Variants in DNAJC10 observed in about 807,000 individuals in gnomAD.
The protein encoded by DNAJC10 is DnaJ heat shock protein family (Hsp40) member C10.
DNAJC10 carries 101 observed loss-of-function variants against 115.0 expected under a neutral mutation model. That is an observed-to-expected ratio of 0.88 (90% confidence interval 0.75 to 1.04). The LOEUF is 1.04. Ranked by LOEUF, DNAJC10 falls within the 50% of genes least tolerant of loss-of-function variation. The pLI is 0.00. For synonymous variants in DNAJC10, 307 were observed against 301.5 expected (o/e 1.02, Z -0.19); for missense variants, 981 against 928.8 (o/e 1.06, Z -0.73).
Position 182,758,853 on chromosome 2 carries a change from A to T in DNAJC10, c.1960A>T (p.Asn654Tyr). Residue 654 changes from asparagine to tyrosine, a missense_variant, in exon 20 of 24, where the codon AAT becomes TAT. Transcript: ENST00000264065. ...AYHYHSYNGW[N>Y]RDAYSLRIWG... is the part of the protein sequence containing the mutation. ...TTCTCTCAGCAGTTACAATGGTTGG[A>T]ATAGGGATGCTTATTCCCTGAGAAT... 1 of 1,607,850 alleles carries T rather than the reference A, an allele frequency of 6.2e-7. No individual in the cohort carries two copies. The highest frequency in any genetic ancestry group is 1.1e-5 in the South Asian group (1 of 90,902).
chr2:182,751,901 T>G, intron 15 of DNAJC10, 116 bp downstream of exon 15: 1 of 1,333,372 alleles, frequency 7.5e-7, no homozygotes. Context: ...CATTCCATTA[T>G]GGCCACTAAT....
intron 18 of DNAJC10, 137 bp from the exon 19 acceptor site, chr2:182,757,555 A>AC (rs765163669): frequency 1.0e-5 from 6 of 575,886 alleles, no homozygotes; most frequent in Non-Finnish European, 1.6e-5. Flanking sequence ...TATATGTTAA[A>AC]CCCTTATCCA....
intron 21 of DNAJC10, among the ~76,000 whole-genome samples, chr2:182,759,769 C>T (rs953070534): frequency 4.1e-4 from 63 of 152,142 alleles, no homozygotes; most frequent in Non-Finnish European, 2.8e-4. Flanking sequence ...CCTTGATATA[C>T]TCAGGGGATT....
intron 16 of DNAJC10, among the ~76,000 whole-genome samples, chr2:182,753,583 T>TTTTTG (rs1694081182): frequency 7.3e-6 from 1 of 137,714 alleles, no homozygotes; most frequent in South Asian, 2.5e-4. Context: ...AGTTTAGTTT[T>TTTTTG]TTTTTTTTTT....
chr2:182,786,926 TATAAA>T lies in DNAJC10; in HGVS notation c.*9796_*9800del, dbSNP rs1225346876. ...ACCTCCTTTTTGAGATTGGTACACT[TATAAA>T]AGAGACCCCAGTATCTTGCTCGTCC... On this transcript the variant is annotated 3_prime_UTR_variant, in exon 24 of 24. Transcript: ENST00000264065. 5 of 152,176 alleles carry T rather than the reference TATAAA, an allele frequency of 3.3e-5. No individual in the cohort carries two copies. Among genetic ancestry groups the T allele is most frequent in the Middle Eastern group, 6.8e-3 (2 of 294 alleles). 9.4% of individuals were successfully genotyped at this position (152,176 alleles called of 1,614,324 possible).
At chr2:182,756,526 CAG>C (rs1485551882) in intron 18 of DNAJC10, 57 bp downstream of exon 18, 1 of 1,520,134 alleles carries the variant, frequency 6.6e-7, no homozygotes, top group Non-Finnish European at 9.0e-7. Context: ...GTTTATTTAA[CAG>C]AATTATTTTG....
At chr2:182,742,651 C>T (rs2105648712) in intron 13 of DNAJC10, among the ~76,000 whole-genome samples, 1 of 152,324 alleles carries the variant, frequency 6.6e-6, no homozygotes, top group East Asian at 1.9e-4. Flanking sequence ...TCTTTATAAT[C>T]TTCACAATTC....
chr2:182,740,677 A>T (rs1165018585), intron 12 of DNAJC10, among the ~76,000 whole-genome samples: 1 of 152,204 alleles, frequency 6.6e-6, no homozygotes, highest in South Asian at 2.1e-4. Context: ...GGTCTGATTC[A>T]TAACTTTTTG....
At chr2:182,742,683 T>C (rs1203864646) in intron 13 of DNAJC10, among the ~76,000 whole-genome samples, 1 of 152,220 alleles carries the variant, frequency 6.6e-6, no homozygotes. Flanking sequence ...AAGTGATATG[T>C]TAACAATATT....
chr2:182,730,622 A>G lies in DNAJC10; in HGVS notation c.728-408A>G, dbSNP rs1352701241. 12 of 436,168 alleles carry G rather than the reference A, an allele frequency of 2.8e-5. No individual in the cohort carries two copies. The Admixed American group carries it at 2.9e-4, about 11-fold the overall frequency. The allele number at this position is 436,168 out of a possible 1,614,324, so 27.0% of individuals were successfully genotyped here. A position where few individuals can be genotyped will look rare whatever the true frequency, so the allele number is the denominator to read the frequency against. On this transcript the variant is annotated intron_variant, in intron 8 of 23. Coordinates refer to ENST00000264065, the MANE Select transcript of DNAJC10 (RefSeq NM_018981.4). Reference sequence around the variant, plus strand: ...TACTTCTTGAAAGAAGTCATATCCAATCTGTCATGAAAATGAATAGGAAGC... The same window carrying G: ...TACTTCTTGAAAGAAGTCATATCCAGTCTGTCATGAAAATGAATAGGAAGC...
intron 14 of DNAJC10, among the ~76,000 whole-genome samples, chr2:182,747,514 A>G (rs2105658614): frequency 6.6e-6 from 1 of 150,920 alleles, no homozygotes; most frequent in East Asian, 1.9e-4. Context: ...GAGTTCACTC[A>G]TGATTTGGCT....
intron 3 of DNAJC10, among the ~76,000 whole-genome samples, chr2:182,718,706 CTT>C (rs1219856842): frequency 6.6e-6 from 1 of 152,174 alleles, no homozygotes; most frequent in Non-Finnish European, 1.5e-5. Context: ...CATGTTTTAA[CTT>C]TGACTGTTTT....
intron 5 of DNAJC10, 141 bp from the exon 6 acceptor site, chr2:182,728,435 A>G: frequency 1.8e-6 from 1 of 555,518 alleles, no homozygotes; most frequent in Non-Finnish European, 3.1e-6. Flanking sequence ...ATATAGAAAA[A>G]CATCACACAG....
At chr2:182,746,757 G>A (rs1452271369) in intron 14 of DNAJC10, among the ~76,000 whole-genome samples, 1 of 151,894 alleles carries the variant, frequency 6.6e-6, no homozygotes, top group African/African-American at 2.4e-5. Flanking sequence ...TGTCAATTTT[G>A]GCTTTTGTTG....
Position 182,720,006 on chromosome 2 carries a change from GAAT to G in DNAJC10, c.207_209del (p.Asn70del). ...GTATTATATCTAATATTTTTTAACA[GAAT>G]AACCCAAATGCACATGGCGATTTTT... On this transcript the variant is annotated inframe_deletion and splice_region_variant, in exon 4 of 24. Transcript: ENST00000264065. 6.7e-7 allele frequency: 1 copy of G among 1,496,658 alleles called. No individual in the cohort carries two copies. Among genetic ancestry groups the G allele is most frequent in the South Asian group, 1.2e-5 (1 of 83,678 alleles). The allele number at this position is 1,496,658 out of a possible 1,614,324, so 92.7% of individuals were successfully genotyped here. A position where few individuals can be genotyped will look rare whatever the true frequency, so the allele number is the denominator to read the frequency against.
chr2:182,722,135 C>G, intron 5 of DNAJC10, 60 bp downstream of exon 5: 1 of 1,152,066 alleles, frequency 8.7e-7, no homozygotes. Context: ...ATCTAAAACT[C>G]TAGGGGATAT....
chr2:182,762,726 T>A lies in DNAJC10; in HGVS notation c.2190T>A (p.Ala730=). The A allele has an allele frequency of 6.2e-7, 1 of 1,612,586 alleles. No individual in the cohort carries two copies. Among genetic ancestry groups the A allele is most frequent in the Admixed American group, 1.7e-5 (1 of 59,926 alleles). Residue 730 remains alanine (A), a synonymous_variant, in exon 22 of 24, where the codon GCT becomes GCA. Coordinates refer to ENST00000264065, the MANE Select transcript of DNAJC10 (RefSeq NM_018981.4). Reference sequence around the variant, plus strand: ...AAGCTGGAAAAGTAGACTGTCAGGCTTATGCTCAGACATGCCAGAAAGCTG... The same window carrying A: ...AAGCTGGAAAAGTAGACTGTCAGGCATATGCTCAGACATGCCAGAAAGCTG... The part of the protein sequence containing the change: ...KVKAGKVDCQ[A]YAQTCQKAGI...
rs113125245 is a variant in DNAJC10 at position 182,774,103 on chromosome 2, T to G, written c.2266-1213T>G. On this transcript the variant is annotated intron_variant, in intron 22 of 23. Coordinates refer to ENST00000264065, the MANE Select transcript of DNAJC10 (RefSeq NM_018981.4). The stretch of plus-strand genomic sequence containing the variant: ...ACAGGTCCCTCAGCTGCAGGTCTGT[T>G]GGAGTTTGCTGGAGGTCCACTCCAG... Among the ~76,000 whole-genome samples the G allele has an allele frequency of 1.8e-3, 270 of 152,308 alleles. 1 individual carries two copies. The highest frequency in any genetic ancestry group is 6.1e-3 in the African/African-American group (255 of 41,566).
intron 11 of DNAJC10, among the ~76,000 whole-genome samples, chr2:182,739,220 TATCTC>T (rs1187891170): frequency 2.0e-5 from 3 of 146,934 alleles, no homozygotes; most frequent in Admixed American, 1.4e-4. Flanking sequence ...ATATATATAA[TATCTC>T]ATATATATTT....
Sources: allele counts gnomAD v4.1 joint callset (sites outside exome capture counted in the v4.1 genomes callset), GRCh38; gene constraint gnomAD v4.1.1; transcripts MANE v1.5; gene names NCBI Gene and HGNC (gene_info 2026-07-23, HGNC 2026-07-21).